Variants in IRF5 observed in about 807,000 individuals in gnomAD.
IRF5 encodes the protein interferon regulatory factor 5.
IRF5 carries 24 observed loss-of-function variants against 55.1 expected under a neutral mutation model. That is an observed-to-expected ratio of 0.44 (90% CI 0.32 to 0.61). The LOEUF (loss-of-function observed/expected upper bound fraction) is 0.61. Among genes scored for constraint, IRF5 ranks in the 20% least tolerant of loss-of-function variants. IRF5 has a pLI of 0.07. For synonymous variants in IRF5, 258 were observed against 260.2 expected, an observed-to-expected ratio of 0.99 and a Z score of 0.08; for missense variants, 499 against 658.5, an observed-to-expected ratio of 0.76 and a Z score of 2.65.
At position 128,942,237 on chromosome 7, in the gene IRF5, G is replaced by A. The variant is rs758459019; in HGVS notation, c.156G>A (p.Arg52=). 1.5e-5 allele frequency: 25 copies of A among 1,613,806 alleles called. No homozygotes were observed. Among genetic ancestry groups the A allele is most frequent in the Non-Finnish European group, 2.1e-5 (25 of 1,179,938 alleles). Residue 52 remains arginine, a synonymous_variant, in exon 2 of 9, where the codon AGG becomes AGA. Coordinates refer to ENST00000357234, the MANE Select transcript of IRF5 (RefSeq NM_001098629.3). ...LFCIPWRHAT[R]HGPSQDGDNT... is the part of the protein sequence containing the mutation. ...GCATCCCCTGGAGGCATGCCACAAG[G>A]CATGGTCCCAGCCAGGACGGAGATA...
intron 1 of IRF5, chr7:128,940,461 T>C (rs1341617077): frequency 2.0e-5 from 3 of 152,290 alleles, no homozygotes; most frequent in African/African-American, 7.2e-5. Flanking sequence ...GATACAACTA[T>C]GGGTGGGTGC....
Position 128,947,826 on chromosome 7 carries a change from G to A in IRF5, c.885G>A (p.Leu295=). 1 of 1,613,906 alleles carries A rather than the reference G, an allele frequency of 6.2e-7. No homozygotes were observed. Among genetic ancestry groups the A allele is most frequent in the Non-Finnish European group, 8.5e-7 (1 of 1,179,960 alleles). The change falls in exon 7 of 9, where the codon CTG becomes CTA. Residue 295 remains leucine (L), a synonymous_variant. Transcript: ENST00000357234. The surrounding 1 kb of genome is among the most constrained non-coding windows in gnomAD (Gnocchi z 6.5). ...PHGCRLFYSQ[L]EATQEQVELF... ...GCTGCCGGCTCTTCTACAGCCAGCT[G>A]GAGGCCACCCAGGAGCAGGTGGAAC...
At chr7:128,942,378 G>A (rs140199191) in intron 2 of IRF5, 102 bp downstream of exon 2, 32 of 996,628 alleles carry the variant, frequency 3.2e-5, no homozygotes, top group South Asian at 1.2e-4. Context: ...CTGGCCACCC[G>A]CCCAGCTACC....
intron 1 of IRF5, among the ~76,000 whole-genome samples, chr7:128,938,999 G>C (rs1019984680): frequency 5.3e-5 from 8 of 149,818 alleles, no homozygotes; most frequent in Non-Finnish European, 1.5e-5. Context: ...GGCTCCGCGG[G>C]CTGGCCCAGG....
At chr7:128,944,914 T>G (rs928193258) in intron 2 of IRF5, among the ~76,000 whole-genome samples, 2 of 152,194 alleles carry the variant, frequency 1.3e-5, no homozygotes, top group African/African-American at 4.8e-5. Context: ...GCGAATAACT[T>G]TGTGTGTGCA....
chr7:128,948,204 A>G lies in IRF5; in HGVS notation c.1181-6A>G. 6.2e-7 allele frequency: 1 copy of G among 1,612,362 alleles called. No homozygotes were observed. Among genetic ancestry groups the G allele is most frequent in the Non-Finnish European group, 8.5e-7 (1 of 1,179,088 alleles). Reference sequence around the variant, plus strand: ...CCTCTGACTAGGGACCTTGATTTTGATGCAGAGCTCATCCTGTTCCAAAAG... The same window carrying G: ...CCTCTGACTAGGGACCTTGATTTTGGTGCAGAGCTCATCCTGTTCCAAAAG... On this transcript the variant is annotated splice_polypyrimidine_tract_variant and splice_region_variant and intron_variant, in intron 7 of 8. Transcript: ENST00000357234. This position sits in a 1 kb window ranked among gnomAD's most constrained non-coding sequence, Gnocchi z 4.6.
In IRF5 at chr7:128,947,758, C is replaced by T. The variant is rs1266492925; in HGVS notation, c.817C>T (p.Arg273Trp). The change falls in exon 7 of 9, where the codon CGG becomes TGG. Residue 273 changes from arginine to tryptophan, a missense_variant. Physicochemically the swap from Arg to Trp is moderately radical, Grantham distance 101 (BLOSUM62 -3). Transcript: ENST00000357234. This position sits in a 1 kb window ranked among gnomAD's most constrained non-coding sequence, Gnocchi z 6.5. ...LTDLEIKFQY[R>W]GRPPRALTIS... ...CGACCTGGAGATCAAGTTTCAGTAC[C>T]GGGGGCGGCCACCCCGGGCCCTCAC... is the stretch of plus-strand genomic sequence containing the variant. 4 of 1,611,018 alleles carry T rather than the reference C, an allele frequency of 2.5e-6. No homozygotes were observed. Among genetic ancestry groups the T allele is most frequent in the Non-Finnish European group, 3.4e-6 (4 of 1,179,320 alleles).
chr7:128,948,480 C>A lies in IRF5; in HGVS notation c.1300-93C>A. 6.5e-7 allele frequency: 1 copy of A among 1,546,682 alleles called. No homozygotes were observed. The highest frequency in any genetic ancestry group is 1.2e-5 in the South Asian group (1 of 83,692). On this transcript the variant is annotated intron_variant, in intron 8 of 8. Coordinates refer to ENST00000357234, the MANE Select transcript of IRF5 (RefSeq NM_001098629.3). This position sits in a 1 kb window ranked among gnomAD's most constrained non-coding sequence, Gnocchi z 4.6. The stretch of plus-strand genomic sequence containing the variant: ...AAGGCTCAGAGCCGGAGAATGCGGT[C>A]TATTACTCACCCCTGATGGCTGTCC...
chr7:128,938,587 G>A (rs746423919), intron 1 of IRF5, among the ~76,000 whole-genome samples: 5 of 152,210 alleles, frequency 3.3e-5, no homozygotes, highest in African/African-American at 7.2e-5. Context: ...TCAGGCCAAT[G>A]GCAGGAACTG....
rs888363716 is a variant in IRF5 at position 128,946,634 on chromosome 7, C to T, written c.447+72C>T. ...GCTGTCCCCATCGGCCTTAGGTTTC[C>T]GCAGCCCCACTCCCATGGAGCCCCG... On this transcript the variant is annotated intron_variant, in intron 4 of 8. Transcript: ENST00000357234. The surrounding 1 kb of genome is among the most constrained non-coding windows in gnomAD (Gnocchi z 4.2). 18 of 990,308 alleles carry T rather than the reference C, an allele frequency of 1.8e-5. No individual in the cohort carries two copies. Among genetic ancestry groups the T allele is most frequent in the Admixed American group, 1.6e-4 (8 of 50,364 alleles). 61.3% of individuals were successfully genotyped at this position (990,308 alleles called of 1,614,324 possible).
At position 128,946,112 on chromosome 7, in the gene IRF5, A is replaced by G; in HGVS notation, c.385+78A>G. ...CCCCCAGCCATGAGCTCTTGGGTGC[A>G]GGCAGGCCAAGGGCCCCTCTAGCAG... On this transcript the variant is annotated intron_variant, in intron 3 of 8. Coordinates refer to ENST00000357234, the MANE Select transcript of IRF5 (RefSeq NM_001098629.3). The surrounding 1 kb of genome is among the most constrained non-coding windows in gnomAD (Gnocchi z 4.2). The G allele has an allele frequency of 1.5e-6, 2 of 1,330,902 alleles. No homozygotes were observed. The highest frequency in any genetic ancestry group is 1.5e-5 in the South Asian group (1 of 67,480). The allele number at this position is 1,330,902 out of a possible 1,614,324, so 82.4% of individuals were successfully genotyped here.
intron 2 of IRF5, among the ~76,000 whole-genome samples, chr7:128,945,203 C>T (rs1796233911): frequency 6.6e-6 from 1 of 152,178 alleles, no homozygotes; most frequent in South Asian, 2.1e-4. Flanking sequence ...GCCTTGAACT[C>T]CCCAGCTCAA....
chr7:128,947,146 G>A lies in IRF5; in HGVS notation c.482-84G>A, dbSNP rs1796348386. 1.9e-6 allele frequency: 3 copies of A among 1,610,930 alleles called. No individual in the cohort carries two copies. In the South Asian group the frequency reaches 3.3e-5, roughly 18 times the overall value. ...TGGAAGGGGGCTGATGGGAGGCTAG[G>A]GTGGCCCAGGGCTGGGAGGAGGTGT... On this transcript the variant is annotated intron_variant, in intron 5 of 8. Transcript: ENST00000357234. This position sits in a 1 kb window ranked among gnomAD's most constrained non-coding sequence, Gnocchi z 6.5.
Position 128,942,117 on chromosome 7 carries a change from C to A in IRF5, c.36C>A (p.Pro12=). The A allele has an allele frequency of 6.2e-7, 1 of 1,611,900 alleles. No individual in the cohort carries two copies. Among genetic ancestry groups the A allele is most frequent in the Non-Finnish European group, 8.5e-7 (1 of 1,179,272 alleles). ...NQSIPVAPTP[P]RRVRLKPWLV... ...CCATCCCAGTGGCTCCCACCCCACC[C>A]CGCCGCGTGCGGCTGAAGCCCTGGC... Residue 12 remains proline, a synonymous_variant, in exon 2 of 9, where the codon CCC becomes CCA. Transcript: ENST00000357234.
intron 2 of IRF5, among the ~76,000 whole-genome samples, chr7:128,944,748 G>A (rs889731645): frequency 2.0e-5 from 3 of 152,160 alleles, no homozygotes; most frequent in South Asian, 2.1e-4. Flanking sequence ...ACTTCTTGAC[G>A]ATTGCTACAT....
chr7:128,942,655 G>A (rs76004706), intron 2 of IRF5, among the ~76,000 whole-genome samples: 2 of 151,962 alleles, frequency 1.3e-5, no homozygotes, highest in Non-Finnish European at 2.9e-5. Context: ...CTAGAGCATC[G>A]TGGGGACTGA....
At chr7:128,939,347 C>T (rs1168051491) in intron 1 of IRF5, among the ~76,000 whole-genome samples, 3 of 152,098 alleles carry the variant, frequency 2.0e-5, no homozygotes, top group African/African-American at 7.2e-5. Flanking sequence ...CTTCCCCTAC[C>T]CTGACCCTGG....
chr7:128,947,793 C>T lies in IRF5; in HGVS notation c.852C>T (p.Asn284=). The T allele has an allele frequency of 6.2e-7, 1 of 1,613,618 alleles. No individual in the cohort carries two copies. The highest frequency in any genetic ancestry group is 8.5e-7 in the Non-Finnish European group (1 of 1,179,856). The part of the protein sequence containing the change: ...GRPPRALTIS[N]PHGCRLFYSQ... ...CACCCCGGGCCCTCACCATCAGCAA[C>T]CCCCATGGCTGCCGGCTCTTCTACA... Residue 284 remains asparagine, a synonymous_variant, in exon 7 of 9, where the codon AAC becomes AAT. Coordinates refer to ENST00000357234, the MANE Select transcript of IRF5 (RefSeq NM_001098629.3). This position sits in a 1 kb window ranked among gnomAD's most constrained non-coding sequence, Gnocchi z 6.5.
intron 1 of IRF5, 102 bp from the exon 2 acceptor site, chr7:128,941,969 A>G: frequency 1.2e-6 from 1 of 817,116 alleles, no homozygotes; most frequent in Non-Finnish European, 1.9e-6. Flanking sequence ...ACCTAGATGG[A>G]CTGGAGAGAC....
Sources: allele counts gnomAD v4.1 joint callset (sites outside exome capture counted in the v4.1 genomes callset), GRCh38; gene constraint gnomAD v4.1.1; non-coding constraint Gnocchi (gnomAD v3.1); transcripts MANE v1.5; gene names NCBI Gene and HGNC (gene_info 2026-07-23, HGNC 2026-07-21).